BLTP1: variants seen among roughly 807,000 people sequenced by gnomAD.
BLTP1 encodes the protein bridge-like lipid transfer protein family member 1, also known as fragile site-associated protein.
At chr4:122,357,240 A>C in the BLTP1 span, among the ~76,000 whole-genome samples, 1 of 152,150 alleles carries the variant, frequency 6.6e-6, no homozygotes, top group African/African-American at 2.4e-5. Flanking sequence ...ATTGGTTTAC[A>C]CACTGGTAAC....
chr4:122,232,546 G>A, the BLTP1 span, among the ~76,000 whole-genome samples: 1 of 152,084 alleles, frequency 6.6e-6, no homozygotes, highest in East Asian at 1.9e-4. Flanking sequence ...GGCGGAGGTT[G>A]CAGTGAGCCA....
the BLTP1 span, chr4:122,209,918 C>T: frequency 1.2e-6 from 2 of 1,612,706 alleles, no homozygotes; most frequent in South Asian, 2.2e-5. Flanking sequence ...ACAGCTGAAA[C>T]AATCATGTAA....
the BLTP1 span, chr4:122,356,567 C>G: frequency 6.3e-7 from 1 of 1,583,450 alleles, no homozygotes; most frequent in Non-Finnish European, 8.6e-7. Flanking sequence ...TATATAAATC[C>G]TTATTAATGG....
chr4:122,188,449 C>G, the BLTP1 span, among the ~76,000 whole-genome samples: 156 of 152,102 alleles, frequency 1.0e-3, no homozygotes, highest in African/African-American at 3.5e-3. Context: ...GTAAATTGAA[C>G]AGATTCATTG....
At chr4:122,356,549 C>A in the BLTP1 span, 1 of 1,468,446 alleles carries the variant, frequency 6.8e-7, no homozygotes, top group Non-Finnish European at 9.3e-7. Flanking sequence ...GATGCATTTA[C>A]ATAGACCTAT....
the BLTP1 span, chr4:122,240,132 G>A: frequency 8.7e-6 from 14 of 1,614,040 alleles, no homozygotes; most frequent in Non-Finnish European, 1.1e-5. Flanking sequence ...TATTGTAGAA[G>A]GTGAGAAAAC....
the BLTP1 span, chr4:122,300,900 T>C: frequency 1.0e-6 from 1 of 980,788 alleles, no homozygotes; most frequent in Non-Finnish European, 1.2e-6. Flanking sequence ...TTATTTTCTG[T>C]ATGCCACATT....
chr4:122,183,748 G>T, the BLTP1 span, among the ~76,000 whole-genome samples: 3 of 152,044 alleles, frequency 2.0e-5, no homozygotes, highest in Non-Finnish European at 2.9e-5. Context: ...TCCAAGTTTT[G>T]TTCTTTGGAA....
the BLTP1 span, chr4:122,167,706 C>T: frequency 4.0e-5 from 39 of 985,216 alleles, no homozygotes; most frequent in Non-Finnish European, 4.3e-5. Context: ...CAAGCTTGTC[C>T]GTCATGCCAT....
the BLTP1 span, chr4:122,209,287 A>G: frequency 6.2e-7 from 1 of 1,612,892 alleles, no homozygotes; most frequent in African/African-American, 1.3e-5. Context: ...CTGAGTGTCA[A>G]AGTGGCCAGA....
the BLTP1 span, among the ~76,000 whole-genome samples, chr4:122,342,408 T>G: frequency 6.6e-6 from 1 of 152,010 alleles, no homozygotes; most frequent in East Asian, 1.9e-4. Flanking sequence ...CAGGCTGGAG[T>G]GTAGTGGCGC....
At chr4:122,162,530 T>G in the BLTP1 span, 1 of 985,384 alleles carries the variant, frequency 1.0e-6, no homozygotes, top group Non-Finnish European at 1.2e-6. Flanking sequence ...TCTTCTTCTT[T>G]GAGTTAATCA....
At chr4:122,315,340 G>A in the BLTP1 span, 1 of 1,282,778 alleles carries the variant, frequency 7.8e-7, no homozygotes, top group Non-Finnish European at 1.1e-6. Context: ...GTAGTCTGAT[G>A]TTTCTGACAA....
the BLTP1 span, among the ~76,000 whole-genome samples, chr4:122,337,879 ATATT>A: frequency 6.7e-6 from 1 of 148,480 alleles, no homozygotes; most frequent in Admixed American, 6.8e-5. Flanking sequence ...AATAAAATAT[ATATT>A]AGCATATATA....
At chr4:122,289,242 T>G in the BLTP1 span, 21 of 1,286,998 alleles carry the variant, frequency 1.6e-5, no homozygotes, top group Non-Finnish European at 2.3e-5. Context: ...TTATTCTCAT[T>G]GAGCGTGTGA....
chr4:122,185,320 AG>A, the BLTP1 span: 7 of 983,234 alleles, frequency 7.1e-6, no homozygotes, highest in Non-Finnish European at 8.5e-6. Context: ...GTTATAAAAA[AG>A]AGGTCTCAGA....
the BLTP1 span, chr4:122,257,161 T>G: frequency 1.2e-5 from 15 of 1,207,582 alleles, no homozygotes; most frequent in Non-Finnish European, 1.8e-5. Flanking sequence ...TCTAAATGAG[T>G]ATTATGAGAT....
chr4:122,232,807 C>T, the BLTP1 span, among the ~76,000 whole-genome samples: 9 of 152,082 alleles, frequency 5.9e-5, no homozygotes, highest in African/African-American at 2.2e-4. Context: ...GTGAAATAGC[C>T]TGGACAGAGC....
At chr4:122,356,898 C>T in the BLTP1 span, 1 of 1,436,384 alleles carries the variant, frequency 7.0e-7, no homozygotes, top group Non-Finnish European at 9.1e-7. Context: ...GTTAGTAAGA[C>T]TATCACAGAC....
Sources: allele counts gnomAD v4.1 joint callset (sites outside exome capture counted in the v4.1 genomes callset), GRCh38; gene constraint gnomAD v4.1.1; transcripts MANE v1.5; gene names NCBI Gene and HGNC (gene_info 2026-07-23, HGNC 2026-07-21).